EVC: variants seen among roughly 807,000 people sequenced by gnomAD.
EVC encodes evC complex member EVC.
A neutral mutation model predicts 118.9 loss-of-function variants in EVC; 116 were observed. The observed-to-expected ratio is 0.98, with a 90% confidence interval of 0.84 to 1.14. The LOEUF is 1.14. EVC is among the 50% of genes most tolerant of loss of function. The pLI is 0.00. For synonymous variants in EVC, 619 were observed against 534.7 expected, an observed-to-expected ratio of 1.16 and a Z score of -2.18; for missense variants, 1,401 against 1,246.4, an observed-to-expected ratio of 1.12 and a Z score of -1.87.
At chr4:5,827,620 G>GCA in the EVC span, among the ~76,000 whole-genome samples, 17 of 151,502 alleles carry the variant, frequency 1.1e-4, no homozygotes, top group South Asian at 1.7e-3. Context: ...ACACACACGC[G>GCA]CACACACACA....
intron 8 of EVC, among the ~76,000 whole-genome samples, chr4:5,751,500 G>A (rs1176671419): frequency 2.0e-5 from 3 of 152,220 alleles, no homozygotes; most frequent in African/African-American, 4.8e-5. Flanking sequence ...TAGGGTTCAC[G>A]GGCTGCTGGA....
chr4:5,751,140 C>G (rs368670709), intron 8 of EVC, among the ~76,000 whole-genome samples: 2 of 152,162 alleles, frequency 1.3e-5, no homozygotes, highest in African/African-American at 4.8e-5. Context: ...GTTCCCTGGC[C>G]GTTGTTCTCA....
chr4:5,820,331 T>TGTCA, the EVC span, among the ~76,000 whole-genome samples: 1 of 133,652 alleles, frequency 7.5e-6, no homozygotes, highest in Non-Finnish European at 1.5e-5. Flanking sequence ...CCACCATCAT[T>TGTCA]GTCATCACTA....
rs993265887 is a variant in EVC at position 5,810,381 on chromosome 4, A to G, written c.2825A>G (p.Glu942Gly). Residue 942 changes from glutamate (E) to glycine (G), a missense_variant, in exon 20 of 21, where the codon GAA becomes GGA. Physicochemically the swap from Glu to Gly is moderately conservative, Grantham distance 98 (BLOSUM62 -2). Transcript: ENST00000264956. ...RTKRKKPLPQ[E>G]RGDLGVPNNE... is the part of the protein sequence containing the mutation. Reference sequence around the variant, plus strand: ...AAAAGGAAGAAGCCCCTGCCCCAGGAAAGAGGGGACCTGGGGGTGCCCAAC... The same window carrying G: ...AAAAGGAAGAAGCCCCTGCCCCAGGGAAGAGGGGACCTGGGGGTGCCCAAC... 1.2e-6 allele frequency: 2 copies of G among 1,613,956 alleles called. No individual in the cohort carries two copies. Among genetic ancestry groups the G allele is most frequent in the African/African-American group, 1.3e-5 (1 of 75,048 alleles).
chr4:5,758,939 G>A (rs1275031227), intron 11 of EVC, among the ~76,000 whole-genome samples: 1 of 152,188 alleles, frequency 6.6e-6, no homozygotes, highest in Non-Finnish European at 1.5e-5. Context: ...GAATAGACAG[G>A]ATGCCCTGGG....
chr4:5,814,960 C>G (rs115668614), downstream of EVC, among the ~76,000 whole-genome samples: 5,827 of 152,194 alleles, frequency 0.038, 168 homozygotes, highest in Non-Finnish European at 0.055. Flanking sequence ...TCCTTTATTT[C>G]TTGTCCAAGT....
chr4:5,778,445 A>T (rs1735063528), intron 11 of EVC, among the ~76,000 whole-genome samples: 2 of 150,818 alleles, frequency 1.3e-5, no homozygotes, highest in South Asian at 4.2e-4. Context: ...ACTAGTTTAC[A>T]GTCCCACCAA....
intron 8 of EVC, chr4:5,752,527 T>C: frequency 2.1e-6 from 1 of 470,602 alleles, no homozygotes; most frequent in Non-Finnish European, 3.9e-6. Flanking sequence ...CTTTTCCTCC[T>C]TGACCGTTTG....
chr4:5,792,392 T>A (rs992147416), intron 12 of EVC, among the ~76,000 whole-genome samples: 5 of 152,194 alleles, frequency 3.3e-5, no homozygotes, highest in Admixed American at 1.3e-4. Flanking sequence ...GGCAGAAAAC[T>A]TTTTTTAGGG....
At chr4:5,777,184 C>T (rs1734833534) in intron 11 of EVC, among the ~76,000 whole-genome samples, 1 of 152,156 alleles carries the variant, frequency 6.6e-6, no homozygotes, top group Admixed American at 6.5e-5. Context: ...TTTTCGTTTG[C>T]TTTTGTCAGA....
At chr4:5,759,111 T>A (rs1429060689) in intron 11 of EVC, among the ~76,000 whole-genome samples, 2 of 151,992 alleles carry the variant, frequency 1.3e-5, no homozygotes, top group Non-Finnish European at 2.9e-5. Context: ...GCACAGTAGC[T>A]GTACACACTT....
chr4:5,733,562 GT>G, intron 5 of EVC, 127 bp downstream of exon 5: 1 of 876,328 alleles, frequency 1.1e-6, no homozygotes, highest in Non-Finnish European at 1.9e-6. Flanking sequence ...CCGCTGTGAG[GT>G]GGGGGAAAGC....
Position 5,742,927 on chromosome 4 carries a change from C to G in EVC, c.801+1113C>G, listed in dbSNP as rs1421900158. Among the ~76,000 whole-genome samples, 1 of 152,214 alleles carries G rather than the reference C, an allele frequency of 6.6e-6. No homozygotes were observed. The highest frequency in any genetic ancestry group is 1.9e-4 in the East Asian group (1 of 5,190). ...TTGCGGAGCAGGGCTAACCCGTAGG[C>G]AGTGTGCCCAGAGTTGGTAACATAT... On this transcript the variant is annotated intron_variant, in intron 6 of 20. Coordinates refer to ENST00000264956, the MANE Select transcript of EVC (RefSeq NM_153717.3). The surrounding 1 kb of genome is among the most constrained non-coding windows in gnomAD (Gnocchi z 5.2).
At chr4:5,723,382 G>T (rs951180444) in intron 2 of EVC, among the ~76,000 whole-genome samples, 1 of 151,924 alleles carries the variant, frequency 6.6e-6, no homozygotes, top group Non-Finnish European at 1.5e-5. Flanking sequence ...GTAGAGGCGG[G>T]CTTCCACCAT....
chr4:5,778,248 TTTGGG>T (rs1735019874), intron 11 of EVC, among the ~76,000 whole-genome samples: 3 of 151,960 alleles, frequency 2.0e-5, no homozygotes, highest in Admixed American at 6.5e-5. Context: ...TTGTTGGACA[TTTGGG>T]TTGGTTCCAA....
At position 5,789,936 on chromosome 4, in the gene EVC, C is replaced by T. The variant is rs1712441657; in HGVS notation, c.1777-3672C>T. 6.6e-6 allele frequency among the ~76,000 whole-genome samples: 1 copy of T among 152,082 alleles called. No homozygotes were observed. Among genetic ancestry groups the T allele is most frequent in the Non-Finnish European group, 1.5e-5 (1 of 68,020 alleles). On this transcript the variant is annotated intron_variant, in intron 12 of 20. Transcript: ENST00000264956. This position sits in a 1 kb window ranked among gnomAD's most constrained non-coding sequence, Gnocchi z 4.3. ...TGGATCACGCCTGTAATCCCAGCACCTTGGGAGGCCAAGGCAGGTAGATCA... is the reference window on the plus strand; with the variant it reads ...TGGATCACGCCTGTAATCCCAGCACTTTGGGAGGCCAAGGCAGGTAGATCA...
Position 5,813,470 on chromosome 4 carries a change from A to G in EVC, c.*2433A>G, listed in dbSNP as rs1039340077. 4.6e-5 allele frequency: 7 copies of G among 152,032 alleles called. No homozygotes were observed. The highest frequency in any genetic ancestry group is 1.4e-4 in the African/African-American group (6 of 41,414). 9.4% of individuals were successfully genotyped at this position (152,032 alleles called of 1,614,324 possible). A position where few individuals can be genotyped will look rare whatever the true frequency, so the allele number is the denominator to read the frequency against. On this transcript the variant is annotated 3_prime_UTR_variant, in exon 21 of 21. Coordinates refer to ENST00000264956, the MANE Select transcript of EVC (RefSeq NM_153717.3). ...TCGTCCACCTGCCTCGGCCTCCCCA[A>G]AGTGCTGAGATTAGGCGTTAGCCAC...
chr4:5,748,322 G>T lies in EVC; in HGVS notation c.1098+16G>T, dbSNP rs1272708855. 4.3e-6 allele frequency: 7 copies of T among 1,613,778 alleles called. No individual in the cohort carries two copies. Among genetic ancestry groups the T allele is most frequent in the Non-Finnish European group, 5.1e-6 (6 of 1,179,836 alleles). Reference sequence around the variant, plus strand: ...GCAGGCTCTGGTAATGCTGGAGGGGGCGGGAGGGAACATAAAGATATTCAG... The same window carrying T: ...GCAGGCTCTGGTAATGCTGGAGGGGTCGGGAGGGAACATAAAGATATTCAG... On this transcript the variant is annotated intron_variant, in intron 8 of 20. Coordinates refer to ENST00000264956, the MANE Select transcript of EVC (RefSeq NM_153717.3).
chr4:5,719,513 A>G lies in EVC; in HGVS notation c.300+140A>G, dbSNP rs1054715860. The stretch of plus-strand genomic sequence containing the variant: ...TGCTTTTCTGAGGCATAATTTACAT[A>G]CAGTCAAATGCGCAGACTTTAGGTT... On this transcript the variant is annotated intron_variant, in intron 2 of 20. Transcript: ENST00000264956. The surrounding 1 kb of genome is among the most constrained non-coding windows in gnomAD (Gnocchi z 4.7). 2 of 1,248,018 alleles carry G rather than the reference A, an allele frequency of 1.6e-6. No individual in the cohort carries two copies. Among genetic ancestry groups the G allele is most frequent in the South Asian group, 1.2e-5 (1 of 81,500 alleles). The allele number at this position is 1,248,018 out of a possible 1,614,324, so 77.3% of individuals were successfully genotyped here.
Sources: allele counts gnomAD v4.1 joint callset (sites outside exome capture counted in the v4.1 genomes callset), GRCh38; gene constraint gnomAD v4.1.1; non-coding constraint Gnocchi (gnomAD v3.1); transcripts MANE v1.5; gene names NCBI Gene and HGNC (gene_info 2026-07-23, HGNC 2026-07-21).